FKBP1A: variants seen among roughly 807,000 people sequenced by gnomAD.
The protein encoded by FKBP1A is peptidyl-prolyl cis-trans isomerase FKBP1A.
Under a neutral mutation model 14.2 loss-of-function variants are expected in FKBP1A, and 5 were observed. That is an observed-to-expected ratio of 0.35 (90% CI 0.18 to 0.74). FKBP1A has a LOEUF of 0.74. FKBP1A is among the 30% of genes least tolerant of loss of function. The probability of loss-of-function intolerance (pLI) is 0.56; values close to 1 mark genes in which losing one functional copy is unlikely to be tolerated. For synonymous variants in FKBP1A, 42 were observed against 49.1 expected, an observed-to-expected ratio of 0.86 and a Z score of 0.60; for missense variants, 53 against 138.8, an observed-to-expected ratio of 0.38 and a Z score of 3.10.
Position 1,369,358 on chromosome 20 carries a change from G to A in FKBP1A, c.*751C>T, listed in dbSNP as rs558231173. On this transcript the variant is annotated 3_prime_UTR_variant, in exon 5 of 5. Transcript: ENST00000400137. Reference sequence around the variant, plus strand: ...TTATGAGATTACAAAATTCCTGAAAGTCCATTAGAAAAACCACAGGATGAA... The same window carrying A: ...TTATGAGATTACAAAATTCCTGAAAATCCATTAGAAAAACCACAGGATGAA... 1 of 165,088 alleles carries A rather than the reference G, an allele frequency of 6.1e-6. No homozygotes were observed. The highest frequency in any genetic ancestry group is 1.9e-4 in the East Asian group (1 of 5,142). The allele number at this position is 165,088 out of a possible 1,614,324, so 10.2% of individuals were successfully genotyped here.
intron 2 of FKBP1A, among the ~76,000 whole-genome samples, chr20:1,387,667 G>A (rs2089682403): frequency 6.6e-6 from 1 of 152,130 alleles, no homozygotes; most frequent in Admixed American, 6.5e-5. Context: ...GAAACCTGGC[G>A]AAACCCGTCT....
chr20:1,375,351 T>TG (rs2089526024), intron 3 of FKBP1A, 140 bp downstream of exon 3: 1 of 635,188 alleles, frequency 1.6e-6, no homozygotes, highest in Non-Finnish European at 2.8e-6. Flanking sequence ...GAGCTTCTTG[T>TG]GGGGGTATTG....
intron 2 of FKBP1A, among the ~76,000 whole-genome samples, 196 bp from the exon 3 acceptor site, chr20:1,375,799 T>C (rs1209846797): frequency 6.6e-6 from 1 of 152,034 alleles, no homozygotes; most frequent in African/African-American, 2.4e-5. Context: ...GTGAATGCTC[T>C]TCCCTGACTC....
intron 2 of FKBP1A, chr20:1,376,744 A>T (rs1024066542): frequency 6.6e-6 from 1 of 152,256 alleles, no homozygotes; most frequent in African/African-American, 2.4e-5. Flanking sequence ...GTAAAATAGT[A>T]AAACTACGTT....
At chr20:1,389,611 G>A (rs1265728300) in intron 2 of FKBP1A, among the ~76,000 whole-genome samples, 1 of 152,186 alleles carries the variant, frequency 6.6e-6, no homozygotes, top group Non-Finnish European at 1.5e-5. Flanking sequence ...CAGAAACCGG[G>A]AGGCTATACC....
intron 3 of FKBP1A, 49 bp downstream of exon 3, chr20:1,375,442 A>G (rs747880277): frequency 2.9e-6 from 4 of 1,363,752 alleles, no homozygotes; most frequent in Admixed American, 1.8e-5. Context: ...ATAAAAAAAT[A>G]TAAAAGGTAA....
intron 2 of FKBP1A, among the ~76,000 whole-genome samples, chr20:1,390,657 A>G (rs181012243): frequency 1.1e-3 from 167 of 152,136 alleles, no homozygotes; most frequent in African/African-American, 3.8e-3. Flanking sequence ...AAAAGCCTTA[A>G]CTGCTACAGA....
At chr20:1,383,676 C>T (rs1315885994) in intron 2 of FKBP1A, among the ~76,000 whole-genome samples, 6 of 65,498 alleles carry the variant, frequency 9.2e-5, no homozygotes, top group Admixed American at 1.8e-4. Context: ...CCTGTTTCTG[C>T]AAAAAATTAA....
At chr20:1,382,284 C>A (rs1568589911) in intron 2 of FKBP1A, among the ~76,000 whole-genome samples, 1 of 152,182 alleles carries the variant, frequency 6.6e-6, no homozygotes, top group Non-Finnish European at 1.5e-5. Context: ...GCGTGCCCTG[C>A]TCAGAGAAGG....
At chr20:1,372,052 C>T in intron 4 of FKBP1A, 24 bp downstream of exon 4, 1 of 1,605,870 alleles carries the variant, frequency 6.2e-7, no homozygotes, top group Non-Finnish European at 8.5e-7. Context: ...CAGTGAAGGG[C>T]CCTTCAGTAT....
intron 2 of FKBP1A, among the ~76,000 whole-genome samples, chr20:1,391,314 A>G (rs1472073890): frequency 6.6e-6 from 1 of 152,142 alleles, no homozygotes; most frequent in Non-Finnish European, 1.5e-5. Flanking sequence ...TACTCTCCTC[A>G]TCCTTCCGAT....
At chr20:1,373,953 A>T (rs1249033722) in intron 3 of FKBP1A, among the ~76,000 whole-genome samples, 1 of 152,232 alleles carries the variant, frequency 6.6e-6, no homozygotes. Context: ...ACAGAAACCC[A>T]GACACCTGGG....
rs575680473 is a variant in FKBP1A, at chr20:1,386,979, G to A, written c.85+5855C>T. Reference sequence around the variant, plus strand: ...CAAATGTCACCATGAGCACCAAAGGGAGAACTGAATGCTATGTGATTAAGT... The same window carrying A: ...CAAATGTCACCATGAGCACCAAAGGAAGAACTGAATGCTATGTGATTAAGT... On this transcript the variant is annotated intron_variant, in intron 2 of 4. Transcript: ENST00000400137. This position sits in a 1 kb window ranked among gnomAD's most constrained non-coding sequence, Gnocchi z 4.7. Among the ~76,000 whole-genome samples the A allele has an allele frequency of 6.6e-6, 1 of 152,276 alleles. No homozygotes were observed. The highest frequency in any genetic ancestry group is 6.5e-5 in the Admixed American group (1 of 15,296).
chr20:1,383,167 G>A (rs113655183), intron 2 of FKBP1A, among the ~76,000 whole-genome samples: 23 of 152,234 alleles, frequency 1.5e-4, no homozygotes, highest in African/African-American at 5.5e-4. Context: ...GAAGGGCAGA[G>A]TGCCATATAC....
rs1214241682 is a variant in FKBP1A at position 1,386,850 on chromosome 20, T to C, written c.85+5984A>G. Among the ~76,000 whole-genome samples, 1 of 152,078 alleles carries C rather than the reference T, an allele frequency of 6.6e-6. No homozygotes were observed. The highest frequency in any genetic ancestry group is 1.5e-5 in the Non-Finnish European group (1 of 68,014). The stretch of plus-strand genomic sequence containing the variant: ...TTCTGCACTGCTAGAATACACCTGG[T>C]CAAAATCAAAGGGGTCCAGGGGAGG... On this transcript the variant is annotated intron_variant, in intron 2 of 4. Coordinates refer to ENST00000400137, the MANE Select transcript of FKBP1A (RefSeq NM_000801.5). This position sits in a 1 kb window ranked among gnomAD's most constrained non-coding sequence, Gnocchi z 4.7.
chr20:1,370,347 T>G (rs111626666), intron 4 of FKBP1A: 4 of 985,356 alleles, frequency 4.1e-6, no homozygotes, highest in African/African-American at 3.5e-5. Context: ...CCACCCATGC[T>G]GCTGACAATA....
At chr20:1,392,616 C>G (rs895154475) in intron 2 of FKBP1A, among the ~76,000 whole-genome samples, 7 of 152,092 alleles carry the variant, frequency 4.6e-5, no homozygotes, top group Admixed American at 4.6e-4. Context: ...ACACCTAGCC[C>G]GCAGCCGACG....
chr20:1,369,386 A>AG lies in FKBP1A; in HGVS notation c.*722_*723insC, dbSNP rs920560246. The AG allele has an allele frequency of 6.0e-6, 1 of 166,562 alleles. No homozygotes were observed. The highest frequency in any genetic ancestry group is 2.4e-5 in the African/African-American group (1 of 41,242). The allele number at this position is 166,562 out of a possible 1,614,324, so 10.3% of individuals were successfully genotyped here. A position where few individuals can be genotyped will look rare whatever the true frequency, so the allele number is the denominator to read the frequency against. ...CATTAGAAAAACCACAGGATGAAAA[A>AG]AAAAAAAGGCCACAAAGAAGGCTTC... is the stretch of plus-strand genomic sequence containing the variant. On this transcript the variant is annotated 3_prime_UTR_variant, in exon 5 of 5. Transcript: ENST00000400137.
intron 2 of FKBP1A, chr20:1,391,453 GC>G (rs1233766373): frequency 2.6e-6 from 1 of 384,920 alleles, no homozygotes; most frequent in Non-Finnish European, 4.6e-6. Flanking sequence ...ACATGAGACT[GC>G]CTGCTCCCCA....
Sources: gnomAD v4.1 joint callset for allele counts (sites outside exome capture counted in the v4.1 genomes callset) on GRCh38, gnomAD v4.1.1 for gene constraint, Gnocchi (gnomAD v3.1) non-coding constraint, MANE v1.5 for transcripts, NCBI Gene and HGNC (gene_info 2026-07-23, HGNC 2026-07-21) for gene names.